Variants in SPAG16 observed in about 807,000 individuals in gnomAD.
SPAG16 encodes sperm-associated antigen 16 protein.
A neutral mutation model predicts 80.4 loss-of-function variants in SPAG16; 86 were observed. That is an observed-to-expected ratio of 1.07 (90% confidence interval 0.90 to 1.28). SPAG16 has a LOEUF of 1.28. Among genes scored for constraint, SPAG16 ranks in the 50% most tolerant of loss-of-function variants. The pLI is 0.00. For synonymous variants in SPAG16, 294 were observed against 265.9 expected (o/e 1.11, Z -1.03); for missense variants, 870 against 765.3 (o/e 1.14, Z -1.61).
At chr2:213,551,556 C>A (rs536290205) in intron 10 of SPAG16, among the ~76,000 whole-genome samples, 23 of 152,246 alleles carry the variant, frequency 1.5e-4, no homozygotes, top group Admixed American at 1.5e-3. Context: ...TCTCATAATT[C>A]TGTCAAAATC....
At chr2:213,845,341 G>T (rs1575331019) in intron 10 of SPAG16, among the ~76,000 whole-genome samples, 1 of 151,850 alleles carries the variant, frequency 6.6e-6, no homozygotes, top group Admixed American at 6.6e-5. Flanking sequence ...GGGACTGCAG[G>T]CATCCGCTAC....
At chr2:214,123,537 T>C (rs2054322765) in intron 14 of SPAG16, among the ~76,000 whole-genome samples, 1 of 152,016 alleles carries the variant, frequency 6.6e-6, no homozygotes, top group Non-Finnish European at 1.5e-5. Flanking sequence ...CTAATCTAAA[T>C]AGTGAGAGTT....
intron 15 of SPAG16, among the ~76,000 whole-genome samples, chr2:214,267,967 A>C (rs1382336586): frequency 6.6e-6 from 1 of 152,054 alleles, no homozygotes; most frequent in East Asian, 1.9e-4. Flanking sequence ...AAATCAAACT[A>C]CTTAATAAGT....
At chr2:213,843,061 T>A (rs11691405) in intron 10 of SPAG16, among the ~76,000 whole-genome samples, 92,678 of 151,956 alleles carry the variant, frequency 0.61, 29,698 homozygotes, top group East Asian at 0.85. Flanking sequence ...CCCAAAAGGA[T>A]TGCAGAGGTG....
chr2:213,756,221 A>G (rs1226854047), intron 10 of SPAG16, among the ~76,000 whole-genome samples: 2 of 152,176 alleles, frequency 1.3e-5, no homozygotes, highest in African/African-American at 2.4e-5. Context: ...TGGCTCATGC[A>G]TGTAATCCTA....
chr2:213,490,021 GTCTT>G lies in SPAG16; in HGVS notation c.1005_1008del (p.Ser336GlnfsTer8). The G allele has an allele frequency of 6.2e-7, 1 of 1,610,656 alleles. No individual in the cohort carries two copies. Among genetic ancestry groups the G allele is most frequent in the Non-Finnish European group, 8.5e-7 (1 of 1,178,458 alleles). ...CCAAACCTGAATGTTTCTAAAGAAAGTCTTTCTCCAGCAAAATTTGACTACAAGC... is the reference window on the plus strand; with the variant it reads ...CCAAACCTGAATGTTTCTAAAGAAAGTCTCCAGCAAAATTTGACTACAAGC... On this transcript the variant is annotated frameshift_variant, in exon 10 of 16. Coordinates refer to ENST00000331683, the MANE Select transcript of SPAG16 (RefSeq NM_024532.5). LOFTEE classifies it high-confidence loss of function.
intron 12 of SPAG16, among the ~76,000 whole-genome samples, chr2:213,954,467 TGTACAG>T (rs1336738324): frequency 6.6e-6 from 1 of 152,142 alleles, no homozygotes; most frequent in Non-Finnish European, 1.5e-5. Flanking sequence ...GAAATATTTA[TGTACAG>T]GTTTTTGTTT....
intron 10 of SPAG16, among the ~76,000 whole-genome samples, chr2:213,816,384 A>G (rs765616639): frequency 7.2e-5 from 11 of 152,074 alleles, no homozygotes; most frequent in Non-Finnish European, 1.5e-4. Context: ...ACATTCTTGA[A>G]TATTTCTTTT....
intron 10 of SPAG16, among the ~76,000 whole-genome samples, chr2:213,520,369 G>A (rs2075613235): frequency 1.3e-5 from 2 of 151,870 alleles, no homozygotes; most frequent in African/African-American, 2.4e-5. Flanking sequence ...GGAAGATCAC[G>A]AGGTCAGGAG....
At chr2:214,396,317 ATCAC>A (rs1228939707) in intron 15 of SPAG16, among the ~76,000 whole-genome samples, 6 of 152,018 alleles carry the variant, frequency 3.9e-5, no homozygotes, top group East Asian at 3.9e-4. Context: ...ATCTTCATTT[ATCAC>A]TCACTATTTT....
chr2:214,034,393 T>TG (rs1233872491), intron 13 of SPAG16, among the ~76,000 whole-genome samples: 3 of 152,224 alleles, frequency 2.0e-5, no homozygotes, highest in African/African-American at 7.2e-5. Context: ...ACAGGATCTT[T>TG]GGGGCATTGC....
intron 10 of SPAG16, among the ~76,000 whole-genome samples, chr2:213,647,567 C>CTTTTTTTTTTTTTTTTTT (rs2062864883): frequency 6.6e-6 from 1 of 151,986 alleles, no homozygotes; most frequent in African/African-American, 2.4e-5. Context: ...TTAGAAGTTT[C>CTTTTTTTTTTTTTTTTTT]TTATTGAAGC....
At chr2:213,527,484 T>C (rs2075929100) in intron 10 of SPAG16, among the ~76,000 whole-genome samples, 1 of 152,214 alleles carries the variant, frequency 6.6e-6, no homozygotes, top group African/African-American at 2.4e-5. Context: ...ATTTAGCATC[T>C]TCATTTAATG....
intron 9 of SPAG16, among the ~76,000 whole-genome samples, chr2:213,459,646 C>G (rs895201815): frequency 4.6e-5 from 7 of 152,176 alleles, no homozygotes; most frequent in African/African-American, 1.4e-4. Flanking sequence ...AATTTCTTTG[C>G]TTTCTCCATC....
rs953429230 is a variant in SPAG16, at chr2:213,986,258, C to T, written c.1401-27693C>T. Among the ~76,000 whole-genome samples the T allele has an allele frequency of 8.5e-5, 13 of 152,124 alleles. No individual in the cohort carries two copies. In the East Asian group the frequency reaches 2.5e-3, roughly 29 times the overall value. ...TTTTAAGATGAGGAAATATTATGAA[C>T]TCTAGAGGAGAAATAGTCAAAGAAC... On this transcript the variant is annotated intron_variant, in intron 12 of 15. Transcript: ENST00000331683.
chr2:213,324,166 A>G (rs2126158815), intron 5 of SPAG16, among the ~76,000 whole-genome samples: 1 of 152,276 alleles, frequency 6.6e-6, no homozygotes, highest in Non-Finnish European at 1.5e-5. Flanking sequence ...GTATAGACTA[A>G]TGAACCTCAT....
At chr2:214,046,798 T>C (rs1293582398) in intron 13 of SPAG16, among the ~76,000 whole-genome samples, 2 of 152,020 alleles carry the variant, frequency 1.3e-5, no homozygotes, top group Non-Finnish European at 2.9e-5. Context: ...ACCTAAAGAC[T>C]TCACAAGAAA....
chr2:213,756,646 A>C (rs981284162), intron 10 of SPAG16, among the ~76,000 whole-genome samples: 1 of 152,338 alleles, frequency 6.6e-6, no homozygotes, highest in East Asian at 1.9e-4. Flanking sequence ...CAAACATGTT[A>C]ATATGGGATC....
chr2:214,201,097 G>A (rs2057996070), intron 15 of SPAG16, among the ~76,000 whole-genome samples: 1 of 152,042 alleles, frequency 6.6e-6, no homozygotes, highest in Admixed American at 6.6e-5. Context: ...ATTGTTTTGT[G>A]GATCAATTAG....
Sources: gnomAD v4.1 joint callset for allele counts (sites outside exome capture counted in the v4.1 genomes callset) on GRCh38, gnomAD v4.1.1 for gene constraint, MANE v1.5 for transcripts, NCBI Gene and HGNC (gene_info 2026-07-23, HGNC 2026-07-21) for gene names.